Variants in HLTF observed in about 807,000 individuals in gnomAD.
HLTF encodes the protein helicase like transcription factor, also known as DNA-dependent ATPase/E3 ubiquitin-protein ligase HLTF.
In HLTF, 127 loss-of-function variants were observed where a neutral mutation model predicts 129.4. The observed-to-expected ratio is 0.98, with a 90% CI of 0.85 to 1.14. The LOEUF (loss-of-function observed/expected upper bound fraction) is 1.14, where lower values mean the gene tolerates loss of function less well. HLTF is among the 50% of genes most tolerant of loss of function. The probability of loss-of-function intolerance (pLI) is 0.00; values close to 1 mark genes in which losing one functional copy is unlikely to be tolerated. For missense variants in HLTF, 1,139 were observed against 1,187.1 expected, an observed-to-expected ratio of 0.96 and a Z score of 0.60; for synonymous variants, 332 against 388.8, an observed-to-expected ratio of 0.85 and a Z score of 1.72.
At position 149,042,175 on chromosome 3, in the gene HLTF, C is replaced by CATT; in HGVS notation, c.2185_2187dup (p.Asn729dup). Reference sequence around the variant, plus strand: ...AATCAAATTTACCTACCTGAGGGGCCATTGGAAGACACTGCATTTGTAAGA... The same window carrying CATT: ...AATCAAATTTACCTACCTGAGGGGCCATTATTGGAAGACACTGCATTTGTAAGA... On this transcript the variant is annotated inframe_insertion, in exon 19 of 25. Coordinates refer to ENST00000310053, the MANE Select transcript of HLTF (RefSeq NM_003071.4). The CATT allele has an allele frequency of 6.2e-7, 1 of 1,612,988 alleles. No individual in the cohort carries two copies. Among genetic ancestry groups the CATT allele is most frequent in the South Asian group, 1.1e-5 (1 of 91,020 alleles).
chr3:149,084,998 A>G (rs1409118253), intron 1 of HLTF, 109 bp from the exon 2 acceptor site: 1 of 748,822 alleles, frequency 1.3e-6, no homozygotes, highest in Non-Finnish European at 2.2e-6. Flanking sequence ...CTTACATGGG[A>G]ATCACGGTAA....
chr3:149,083,735 C>T (rs1720083945), intron 2 of HLTF: 1 of 138,728 alleles, frequency 7.2e-6, no homozygotes, highest in South Asian at 2.3e-4. Flanking sequence ...CATGCCAAAA[C>T]CTAAAAAAAA....
chr3:149,068,421 G>A (rs567624455), intron 7 of HLTF, 86 bp from the exon 8 acceptor site: 3 of 624,936 alleles, frequency 4.8e-6, no homozygotes, highest in East Asian at 2.7e-5. Flanking sequence ...TCAAGTAATC[G>A]AATATCAAAT....
intron 8 of HLTF, among the ~76,000 whole-genome samples, chr3:149,065,076 A>G (rs71304447): frequency 6.6e-6 from 1 of 152,156 alleles, no homozygotes; most frequent in Non-Finnish European, 1.5e-5. Context: ...CAAAAAAAAA[A>G]AAATAAATAA....
At chr3:149,066,908 A>G (rs1259110639) in intron 8 of HLTF, among the ~76,000 whole-genome samples, 1 of 152,140 alleles carries the variant, frequency 6.6e-6, no homozygotes, top group Non-Finnish European at 1.5e-5. Flanking sequence ...AAGTGCAGAC[A>G]TTAATAAAAT....
intron 24 of HLTF, 49 bp from the exon 25 acceptor site, chr3:149,032,421 A>G (rs1243936836): frequency 8.5e-7 from 1 of 1,181,156 alleles, no homozygotes; most frequent in East Asian, 2.7e-5. Context: ...CATAGTATTT[A>G]AAATCTTTAT....
chr3:149,050,873 T>C (rs1201333019), intron 14 of HLTF, among the ~76,000 whole-genome samples: 3 of 152,156 alleles, frequency 2.0e-5, no homozygotes, highest in African/African-American at 4.8e-5. Context: ...GAACAAATAA[T>C]CATCCCTGAC....
chr3:149,041,804 T>A, intron 19 of HLTF, 136 bp from the exon 20 acceptor site: 1 of 662,106 alleles, frequency 1.5e-6, no homozygotes. Context: ...AAAGCATAAT[T>A]TAAATTTGAA....
intron 2 of HLTF, among the ~76,000 whole-genome samples, chr3:149,078,974 G>T (rs1277246806): frequency 1.3e-5 from 2 of 152,048 alleles, no homozygotes; most frequent in Non-Finnish European, 2.9e-5. Flanking sequence ...GAGTCAAAAG[G>T]TACAATAACT....
rs1226640252 is a variant in HLTF, at chr3:149,030,785, G to T, written c.*1435C>A. 1 of 152,194 alleles carries T rather than the reference G, an allele frequency of 6.6e-6. No individual in the cohort carries two copies. The highest frequency in any genetic ancestry group is 2.4e-5 in the African/African-American group (1 of 41,434). The allele number at this position is 152,194 out of a possible 1,614,324, so 9.4% of individuals were successfully genotyped here. On this transcript the variant is annotated 3_prime_UTR_variant, in exon 25 of 25. Transcript: ENST00000310053. Reference sequence around the variant, plus strand: ...CTGCTACTGCCTCAAAAAGGGACCAGGAAGATTCTAGCTGGCTAATTCACT... The same window carrying T: ...CTGCTACTGCCTCAAAAAGGGACCATGAAGATTCTAGCTGGCTAATTCACT...
intron 24 of HLTF, 126 bp downstream of exon 24, chr3:149,034,792 G>A (rs1347241181): frequency 1.5e-6 from 1 of 651,522 alleles, no homozygotes; most frequent in Non-Finnish European, 2.8e-6. Context: ...GATGAAGGAG[G>A]AAAAAGGTGA....
chr3:149,086,464 G>A lies in HLTF; in HGVS notation c.-128C>T. 9.3e-7 allele frequency: 1 copy of A among 1,070,570 alleles called. No individual in the cohort carries two copies. The highest frequency in any genetic ancestry group is 1.4e-6 in the Non-Finnish European group (1 of 728,356). The allele number at this position is 1,070,570 out of a possible 1,614,324, so 66.3% of individuals were successfully genotyped here. On this transcript the variant is annotated 5_prime_UTR_variant, in exon 1 of 25. Transcript: ENST00000310053. ...ACAAATTCCGAGCGCCGGATCAGGAGCGCACGACTGAAAGGTAAGTCGCCG... is the reference window on the plus strand; with the variant it reads ...ACAAATTCCGAGCGCCGGATCAGGAACGCACGACTGAAAGGTAAGTCGCCG...
At chr3:149,033,737 A>G (rs554737290) in intron 24 of HLTF, among the ~76,000 whole-genome samples, 17 of 152,266 alleles carry the variant, frequency 1.1e-4, no homozygotes, top group African/African-American at 4.1e-4. Flanking sequence ...CTCATGTCAC[A>G]AATCATAAAA....
chr3:149,032,268 T>G lies in HLTF; in HGVS notation c.2982A>C (p.Glu994Asp), dbSNP rs766582722. The G allele has an allele frequency of 1.9e-6, 3 of 1,600,374 alleles. No homozygotes were observed. The highest frequency in any genetic ancestry group is 1.4e-5 in the African/African-American group (1 of 74,044). Residue 994 changes from glutamate (E) to aspartate (D), a missense_variant, in exon 25 of 25, where the codon GAA becomes GAC. Coordinates refer to ENST00000310053, the MANE Select transcript of HLTF (RefSeq NM_003071.4). ...TTTCATTAATTTTGGCTTGTTTCATTTCGTCAGCATTTGGTTTTTTAGTTC... is the reference window on the plus strand; with the variant it reads ...TTTCATTAATTTTGGCTTGTTTCATGTCGTCAGCATTTGGTTTTTTAGTTC... ...AFGTKKPNAD[E>D]MKQAKINEIR...
rs139580251 is a variant in HLTF at position 149,055,288 on chromosome 3, G to T, written c.1473+15C>A. ...TATAAATTATGTTACATTTTTAAAGGGCTTAAAGACTTACAATCCAGTTGC... is the reference window on the plus strand; with the variant it reads ...TATAAATTATGTTACATTTTTAAAGTGCTTAAAGACTTACAATCCAGTTGC... On this transcript the variant is annotated intron_variant, in intron 14 of 24. Coordinates refer to ENST00000310053, the MANE Select transcript of HLTF (RefSeq NM_003071.4). 1.1e-3 allele frequency: 1,637 copies of T among 1,551,970 alleles called. 3 individuals are homozygous for T. The highest frequency in any genetic ancestry group is 1.4e-3 in the Non-Finnish European group (1,553 of 1,125,128).
At chr3:149,055,983 T>A (rs1343001237) in intron 13 of HLTF, among the ~76,000 whole-genome samples, 1 of 152,192 alleles carries the variant, frequency 6.6e-6, no homozygotes, top group East Asian at 1.9e-4. Context: ...TCAGGCAACT[T>A]ATGGAAGGAT....
At chr3:149,032,425 T>A (rs1231016801) in intron 24 of HLTF, 53 bp from the exon 25 acceptor site, 1 of 1,156,760 alleles carries the variant, frequency 8.6e-7, no homozygotes, top group Non-Finnish European at 1.2e-6. Flanking sequence ...GTATTTAAAA[T>A]CTTTATTAAA....
Position 149,065,680 on chromosome 3 carries a change from AT to A in HLTF, c.991-815del, listed in dbSNP as rs572073663. 6.1e-3 allele frequency among the ~76,000 whole-genome samples: 929 copies of A among 152,256 alleles called. 8 individuals carry two copies. The highest frequency in any genetic ancestry group is 0.025 in the South Asian group (123 of 4,826). On this transcript the variant is annotated intron_variant, in intron 8 of 24. Coordinates refer to ENST00000310053, the MANE Select transcript of HLTF (RefSeq NM_003071.4). ...CCCTGTCTCTACTAAATAGACACAGATTAGCCAGGCATGGTGGCGGGCACCT... is the reference window on the plus strand; with the variant it reads ...CCCTGTCTCTACTAAATAGACACAGATAGCCAGGCATGGTGGCGGGCACCT...
Position 149,064,825 on chromosome 3 carries a change from G to T in HLTF, c.1032C>A (p.Asn344Lys), listed in dbSNP as rs1274371121. ...GTCCATCTGCCTTTTCACTGGTATT[G>T]TTTCCTCCAAGTTTCATAGAGTCAT... ...VNDDSMKLGG[N>K]NTSEKADGLS... Residue 344 changes from asparagine (N) to lysine (K), a missense_variant, in exon 9 of 25, where the codon AAC (asparagine) becomes AAA (lysine). Coordinates refer to ENST00000310053, the MANE Select transcript of HLTF (RefSeq NM_003071.4). The T allele has an allele frequency of 4.4e-6, 7 of 1,601,642 alleles. No homozygotes were observed. The highest frequency in any genetic ancestry group is 1.3e-5 in the African/African-American group (1 of 74,586).
Sources: allele counts gnomAD v4.1 joint callset (sites outside exome capture counted in the v4.1 genomes callset), GRCh38; gene constraint gnomAD v4.1.1; transcripts MANE v1.5; gene names NCBI Gene and HGNC (gene_info 2026-07-23, HGNC 2026-07-21).